Variants in CNTN5 observed in about 807,000 individuals in gnomAD.
CNTN5 encodes contactin 5.
In CNTN5, 77 loss-of-function variants were observed where a neutral mutation model predicts 129.1. That is an observed-to-expected ratio of 0.60 (90% CI 0.50 to 0.72). CNTN5 has a LOEUF of 0.72. CNTN5 is among the 30% of genes least tolerant of loss of function. The pLI is 0.00. For synonymous variants in CNTN5, 509 were observed against 465.6 expected (o/e 1.09, Z -1.20); for missense variants, 1,478 against 1,328.8 (o/e 1.11, Z -1.75).
intron 2 of CNTN5, among the ~76,000 whole-genome samples, chr11:99,388,210 G>T (rs1941030879): frequency 6.6e-6 from 1 of 151,894 alleles, no homozygotes; most frequent in Admixed American, 6.6e-5. Context: ...GAGGTCAGGA[G>T]TTTGACACCA....
intron 1 of CNTN5, among the ~76,000 whole-genome samples, chr11:99,078,479 C>A (rs571005761): frequency 6.6e-6 from 1 of 152,212 alleles, no homozygotes; most frequent in South Asian, 2.1e-4. Flanking sequence ...TCTGGATGCC[C>A]ATATTTATTG....
At chr11:99,434,143 TC>T (rs1187055817) in intron 2 of CNTN5, among the ~76,000 whole-genome samples, 28 of 152,138 alleles carry the variant, frequency 1.8e-4, no homozygotes, top group Non-Finnish European at 1.5e-5. Flanking sequence ...TTTAATTATC[TC>T]ATTAAAGAAA....
intron 3 of CNTN5, among the ~76,000 whole-genome samples, chr11:99,694,150 A>G (rs776156887): frequency 1.3e-5 from 2 of 152,138 alleles, no homozygotes; most frequent in Non-Finnish European, 2.9e-5. Flanking sequence ...AAAACATGAA[A>G]TATATCACAA....
chr11:99,650,020 T>C (rs1952096350), intron 3 of CNTN5, among the ~76,000 whole-genome samples: 1 of 151,792 alleles, frequency 6.6e-6, no homozygotes, highest in Admixed American at 6.6e-5. Context: ...CTGAAATGTG[T>C]TATTTTTCCA....
At chr11:99,669,100 A>G (rs1234822197) in intron 3 of CNTN5, among the ~76,000 whole-genome samples, 1 of 152,138 alleles carries the variant, frequency 6.6e-6, no homozygotes, top group Non-Finnish European at 1.5e-5. Context: ...CTAGTTTTGC[A>G]GAGCATCTTC....
chr11:99,358,900 GA>G (rs200655817), intron 2 of CNTN5, among the ~76,000 whole-genome samples: 5 of 151,358 alleles, frequency 3.3e-5, no homozygotes, highest in East Asian at 1.9e-4. Flanking sequence ...CACTTTATAG[GA>G]AAAAAAAGTA....
chr11:99,029,126 A>T (rs1045141923), intron 1 of CNTN5, among the ~76,000 whole-genome samples: 1 of 151,710 alleles, frequency 6.6e-6, no homozygotes, highest in African/African-American at 2.4e-5. Flanking sequence ...TGGTAAAAAA[A>T]TTATAGTATT....
intron 13 of CNTN5, among the ~76,000 whole-genome samples, chr11:100,110,523 C>G (rs1376972575): frequency 3.3e-5 from 5 of 151,940 alleles, no homozygotes; most frequent in African/African-American, 9.7e-5. Flanking sequence ...AGTTTTCTCA[C>G]TAGGTGTTAT....
At chr11:99,368,292 C>G (rs1013485888) in intron 2 of CNTN5, among the ~76,000 whole-genome samples, 3 of 151,890 alleles carry the variant, frequency 2.0e-5, no homozygotes, top group African/African-American at 7.3e-5. Context: ...AACTCTCAGA[C>G]AGAAGATAAA....
chr11:99,449,467 A>G (rs1238414581), intron 2 of CNTN5, among the ~76,000 whole-genome samples: 2 of 152,368 alleles, frequency 1.3e-5, no homozygotes, highest in East Asian at 1.9e-4. Context: ...TGTCCTTTCT[A>G]ATATGAACAA....
intron 2 of CNTN5, among the ~76,000 whole-genome samples, chr11:99,342,580 A>G (rs1320334021): frequency 2.9e-5 from 4 of 138,286 alleles, no homozygotes; most frequent in African/African-American, 5.3e-5. Context: ...TCAAAAAAAA[A>G]AAAAAAAAAA....
chr11:100,001,207 G>A (rs1011688928), intron 8 of CNTN5, among the ~76,000 whole-genome samples: 1 of 152,148 alleles, frequency 6.6e-6, no homozygotes, highest in African/African-American at 2.4e-5. Flanking sequence ...AATTATGATG[G>A]AAGGAGAAGG....
At chr11:100,156,215 G>C (rs1316532943) in intron 13 of CNTN5, among the ~76,000 whole-genome samples, 2 of 152,066 alleles carry the variant, frequency 1.3e-5, no homozygotes, top group African/African-American at 2.4e-5. Flanking sequence ...GCATGAAGCG[G>C]TGTTGAATTT....
chr11:99,609,425 G>T (rs1024807362), intron 3 of CNTN5, among the ~76,000 whole-genome samples: 1 of 152,138 alleles, frequency 6.6e-6, no homozygotes, highest in African/African-American at 2.4e-5. Context: ...AGATCAGAAA[G>T]ACCCCACCTG....
intron 18 of CNTN5, among the ~76,000 whole-genome samples, chr11:100,293,119 C>T (rs1209776781): frequency 6.6e-6 from 1 of 151,702 alleles, no homozygotes; most frequent in African/African-American, 2.4e-5. Flanking sequence ...TTTCTTTCTC[C>T]CCTTTTTAGC....
chr11:100,010,366 T>G (rs1022435435), intron 9 of CNTN5, among the ~76,000 whole-genome samples: 1 of 152,096 alleles, frequency 6.6e-6, no homozygotes, highest in South Asian at 2.1e-4. Context: ...GAACCTCAGA[T>G]GTACCCCTAG....
intron 2 of CNTN5, among the ~76,000 whole-genome samples, chr11:99,351,855 T>G (rs1938320661): frequency 6.6e-6 from 1 of 152,220 alleles, no homozygotes; most frequent in South Asian, 2.1e-4. Flanking sequence ...AGATCTCCAA[T>G]GAAGCATAGT....
intron 13 of CNTN5, among the ~76,000 whole-genome samples, chr11:100,102,786 T>C (rs1945274423): frequency 6.6e-6 from 1 of 152,198 alleles, no homozygotes; most frequent in South Asian, 2.1e-4. Flanking sequence ...TTAATAATGC[T>C]TGATCATAGT....
chr11:99,842,796 G>C (rs1366285199), intron 4 of CNTN5, among the ~76,000 whole-genome samples: 1 of 151,888 alleles, frequency 6.6e-6, no homozygotes, highest in Non-Finnish European at 1.5e-5. Context: ...ACAAAATTTT[G>C]ACAATTTTCT....
Sources: gnomAD v4.1 joint callset for allele counts (sites outside exome capture counted in the v4.1 genomes callset) on GRCh38, gnomAD v4.1.1 for gene constraint, MANE v1.5 for transcripts, NCBI Gene and HGNC (gene_info 2026-07-23, HGNC 2026-07-21) for gene names.